The following C12orf42 variants were observed in gnomAD, a reference collection of about 807,000 sequenced individuals.
C12orf42 encodes the protein chromosome 12 open reading frame 42.
Under a neutral mutation model 21.6 loss-of-function variants are expected in C12orf42, and 25 were observed. That is an observed-to-expected ratio of 1.16 (90% CI 0.84 to 1.62). The LOEUF (loss-of-function observed/expected upper bound fraction) is 1.62. Among genes scored for constraint, C12orf42 ranks in the 40% most tolerant of loss-of-function variants. The probability of loss-of-function intolerance (pLI) is 0.00; values close to 1 mark genes in which losing one functional copy is unlikely to be tolerated. For synonymous variants in C12orf42, 174 were observed against 175.0 expected (o/e 0.99, Z 0.05); for missense variants, 483 against 459.3 (o/e 1.05, Z -0.47).
At chr12:103,476,574 A>G (rs1229166482) in intron 2 of C12orf42, among the ~76,000 whole-genome samples, 3 of 152,214 alleles carry the variant, frequency 2.0e-5, no homozygotes, top group Non-Finnish European at 4.4e-5. Flanking sequence ...GGCTGTTTCC[A>G]AAACCACTTG....
intron 4 of C12orf42, among the ~76,000 whole-genome samples, chr12:103,321,946 C>T (rs1206016341): frequency 1.3e-5 from 2 of 151,726 alleles, no homozygotes; most frequent in African/African-American, 4.8e-5. Context: ...AGCACACCAG[C>T]GTGGCACATG....
intron 1 of C12orf42, among the ~76,000 whole-genome samples, chr12:103,493,677 G>T (rs1400909897): frequency 1.4e-5 from 2 of 147,298 alleles, no homozygotes; most frequent in Non-Finnish European, 3.0e-5. Context: ...TTGGTGGAGG[G>T]GAAACTACAA....
chr12:103,053,570 G>A, the C12orf42 span, among the ~76,000 whole-genome samples: 1 of 151,754 alleles, frequency 6.6e-6, no homozygotes, highest in Non-Finnish European at 1.5e-5. Context: ...CTCTTTACAG[G>A]ATCTTTCTAA....
chr12:103,213,480 T>C, the C12orf42 span, among the ~76,000 whole-genome samples: 4 of 152,256 alleles, frequency 2.6e-5, no homozygotes, highest in African/African-American at 9.6e-5. Flanking sequence ...ATATGTGTTC[T>C]TGTGTTCAAA....
At chr12:103,432,090 G>A (rs1302091897) in intron 2 of C12orf42, among the ~76,000 whole-genome samples, 1 of 152,214 alleles carries the variant, frequency 6.6e-6, no homozygotes, top group Non-Finnish European at 1.5e-5. Context: ...TTCCCTTGGT[G>A]TGGGCTGTCC....
intron 4 of C12orf42, among the ~76,000 whole-genome samples, chr12:103,330,478 G>A (rs544358036): frequency 1.3e-4 from 20 of 152,262 alleles, no homozygotes; most frequent in Non-Finnish European, 2.2e-4. Flanking sequence ...TGGATAATCT[G>A]TAACCATTAG....
At chr12:103,249,540 C>G (rs1001996930) in intron 10 of C12orf42, among the ~76,000 whole-genome samples, 1 of 151,914 alleles carries the variant, frequency 6.6e-6, no homozygotes, top group South Asian at 2.1e-4. Flanking sequence ...TATTGGAAGT[C>G]CTTAGAGTAG....
At chr12:103,280,921 A>G (rs1465209912) in intron 4 of C12orf42, among the ~76,000 whole-genome samples, 1 of 152,186 alleles carries the variant, frequency 6.6e-6, no homozygotes, top group Admixed American at 6.5e-5. Flanking sequence ...CTTTATCTCC[A>G]AAGTCCAAAT....
At chr12:103,550,221 T>C in the C12orf42 span, among the ~76,000 whole-genome samples, 2 of 152,170 alleles carry the variant, frequency 1.3e-5, no homozygotes, top group Non-Finnish European at 2.9e-5. Context: ...CATCCATTCA[T>C]CTACTTTTGT....
intron 1 of C12orf42, among the ~76,000 whole-genome samples, chr12:103,483,987 G>C (rs1233947543): frequency 6.6e-6 from 1 of 152,150 alleles, no homozygotes; most frequent in Non-Finnish European, 1.5e-5. Flanking sequence ...CAAAGGACAT[G>C]AACTCATCCT....
chr12:103,442,790 G>A (rs541590980), intron 2 of C12orf42, among the ~76,000 whole-genome samples: 213 of 152,140 alleles, frequency 1.4e-3, no homozygotes, highest in Non-Finnish European at 2.4e-3. Context: ...AAAGAAAAGA[G>A]TAAATGAATG....
At chr12:103,498,736 T>G (rs1593043979), upstream of C12orf42, among the ~76,000 whole-genome samples, 1 of 152,130 alleles carries the variant, frequency 6.6e-6, no homozygotes, top group Non-Finnish European at 1.5e-5. Context: ...TGGATGGAGC[T>G]GGAAGCCATT....
the C12orf42 span, among the ~76,000 whole-genome samples, chr12:103,547,134 G>A: frequency 2.0e-5 from 3 of 152,082 alleles, no homozygotes; most frequent in Admixed American, 2.0e-4. Flanking sequence ...TTGTTACAGG[G>A]TCCCCAGCCA....
chr12:103,134,612 C>G, the C12orf42 span, among the ~76,000 whole-genome samples: 1,711 of 152,060 alleles, frequency 0.011, 32 homozygotes, highest in African/African-American at 0.039. Context: ...GCCTATAAGA[C>G]ATATGAGACA....
the C12orf42 span, among the ~76,000 whole-genome samples, chr12:103,064,987 C>T: frequency 6.6e-6 from 1 of 152,308 alleles, no homozygotes; most frequent in East Asian, 1.9e-4. Flanking sequence ...TTCTTAGCAG[C>T]TGGTGTAAGC....
chr12:103,068,113 A>G, the C12orf42 span, among the ~76,000 whole-genome samples: 1 of 152,194 alleles, frequency 6.6e-6, no homozygotes, highest in African/African-American at 2.4e-5. Flanking sequence ...TGGGTAGTAG[A>G]AGAAGGTAGT....
chr12:103,508,373 A>G, the C12orf42 span, among the ~76,000 whole-genome samples: 3 of 152,186 alleles, frequency 2.0e-5, no homozygotes, highest in Admixed American at 6.5e-5. Flanking sequence ...GGAGCTTTAT[A>G]AGATTTTGAG....
At chr12:103,392,456 A>G (rs2047159746) in intron 3 of C12orf42, among the ~76,000 whole-genome samples, 1 of 152,254 alleles carries the variant, frequency 6.6e-6, no homozygotes, top group Non-Finnish European at 1.5e-5. Context: ...CTTGCAATCC[A>G]TGAACATAGA....
At chr12:103,056,236 A>G in the C12orf42 span, among the ~76,000 whole-genome samples, 17 of 152,196 alleles carry the variant, frequency 1.1e-4, no homozygotes, top group African/African-American at 4.1e-4. Flanking sequence ...GTGCCTACAT[A>G]TTTAGGCTTG....
Sources: allele counts gnomAD v4.1 joint callset (sites outside exome capture counted in the v4.1 genomes callset), GRCh38; gene constraint gnomAD v4.1.1; transcripts MANE v1.5; gene names NCBI Gene and HGNC (gene_info 2026-07-23, HGNC 2026-07-21).